FAM149B1: variants seen among roughly 807,000 people sequenced by gnomAD.
The protein encoded by FAM149B1 is primary cilium assembly protein FAM149B1.
A neutral mutation model predicts 75.3 loss-of-function variants in FAM149B1; 56 were observed. The observed-to-expected ratio is 0.74, with a 90% CI of 0.60 to 0.93. The LOEUF (loss-of-function observed/expected upper bound fraction) is 0.93, where lower values mean the gene tolerates loss of function less well. FAM149B1 is among the 40% of genes least tolerant of loss of function. The pLI is 0.00. For missense variants in FAM149B1, 639 were observed against 708.4 expected, an observed-to-expected ratio of 0.90 and a Z score of 1.11; for synonymous variants, 259 against 256.1, an observed-to-expected ratio of 1.01 and a Z score of -0.11.
At chr10:73,238,684 A>G (rs1282189812) in intron 12 of FAM149B1, 1 of 152,234 alleles carries the variant, frequency 6.6e-6, no homozygotes, top group Admixed American at 6.5e-5. Context: ...GCTTCACCAG[A>G]AAAAGCTTCC....
At position 73,242,074 on chromosome 10, in the gene FAM149B1, A is replaced by G. The variant is rs1042910373; in HGVS notation, c.*1055A>G. ...ATTCAAATAATCATAAATTACGGTA[A>G]CTTTTTATTATACCAAGGTGTTCTA... On this transcript the variant is annotated 3_prime_UTR_variant, in exon 14 of 14. Coordinates refer to ENST00000242505, the MANE Select transcript of FAM149B1 (RefSeq NM_173348.2). 7.9e-5 allele frequency: 12 copies of G among 152,210 alleles called. No homozygotes were observed. Among genetic ancestry groups the G allele is most frequent in the African/African-American group, 2.9e-4 (12 of 41,466 alleles). The allele number at this position is 152,210 out of a possible 1,614,324, so 9.4% of individuals were successfully genotyped here.
chr10:73,198,801 A>G (rs1374936750), intron 5 of FAM149B1, among the ~76,000 whole-genome samples: 4 of 152,178 alleles, frequency 2.6e-5, no homozygotes, highest in African/African-American at 7.2e-5. Context: ...GTGAAACTCC[A>G]TCTCAAAAAA....
intron 5 of FAM149B1, among the ~76,000 whole-genome samples, chr10:73,196,324 C>CTT (rs1035328920): frequency 2.1e-5 from 3 of 144,654 alleles, no homozygotes; most frequent in Middle Eastern, 3.6e-3. Flanking sequence ...GCCCCCCACC[C>CTT]TTTTTTTTTT....
chr10:73,191,407 G>T (rs1489714709), intron 3 of FAM149B1, among the ~76,000 whole-genome samples: 1 of 150,944 alleles, frequency 6.6e-6, no homozygotes, highest in Non-Finnish European at 1.5e-5. Flanking sequence ...CACAATCTCG[G>T]CTCACCGCAA....
chr10:73,207,333 A>G (rs10047344), intron 5 of FAM149B1, among the ~76,000 whole-genome samples: 23,425 of 151,958 alleles, frequency 0.15, 2,966 homozygotes, highest in African/African-American at 0.32. Context: ...GGAGGCCAAG[A>G]TGGGCAGATC....
rs376460504 is a variant in FAM149B1 at position 73,228,143 on chromosome 10, C to A, written c.982C>A (p.Arg328=). ...TGAACTACATCCTTTGGTGTTACCG[C>A]GAGTGCCACAGTCTAAGGTGCTGTA... ...LSELHPLVLP[R]VPQSKVLYIT... The change falls in exon 8 of 14, where the codon CGA becomes AGA. Residue 328 remains arginine, a synonymous_variant. Transcript: ENST00000242505. 6.4e-7 allele frequency: 1 copy of A among 1,551,456 alleles called. No individual in the cohort carries two copies. The highest frequency in any genetic ancestry group is 2.4e-5 in the East Asian group (1 of 40,908).
At chr10:73,181,116 C>T (rs943617967) in intron 3 of FAM149B1, among the ~76,000 whole-genome samples, 1 of 151,918 alleles carries the variant, frequency 6.6e-6, no homozygotes, top group African/African-American at 2.4e-5. Context: ...ACACCATTCT[C>T]CTGCCTCAGC....
At chr10:73,220,445 T>C (rs2043385112) in intron 7 of FAM149B1, among the ~76,000 whole-genome samples, 1 of 152,038 alleles carries the variant, frequency 6.6e-6, no homozygotes, top group African/African-American at 2.4e-5. Context: ...ACTGAAAACA[T>C]ATATCCATAC....
In FAM149B1 at chr10:73,244,176, G is replaced by T; in HGVS notation, c.*3157G>T. 1 of 483,374 alleles carries T rather than the reference G, an allele frequency of 2.1e-6. No individual in the cohort carries two copies. 29.9% of individuals were successfully genotyped at this position (483,374 alleles called of 1,614,324 possible). A position where few individuals can be genotyped will look rare whatever the true frequency, so the allele number is the denominator to read the frequency against. On this transcript the variant is annotated 3_prime_UTR_variant, in exon 14 of 14. Coordinates refer to ENST00000242505, the MANE Select transcript of FAM149B1 (RefSeq NM_173348.2). ...ATTTGCTAGAGGTAGTAAGTACTCT[G>T]GCACTCATAAATCACATGATGATAA... is the stretch of plus-strand genomic sequence containing the variant.
chr10:73,171,631 T>C (rs1170741198), intron 1 of FAM149B1, among the ~76,000 whole-genome samples: 2 of 100,854 alleles, frequency 2.0e-5, no homozygotes, highest in South Asian at 3.8e-4. Context: ...CTTTTCTTTC[T>C]TTTTTTTTTT....
At chr10:73,194,121 C>CT in intron 5 of FAM149B1, among the ~76,000 whole-genome samples, 1 of 152,246 alleles carries the variant, frequency 6.6e-6, no homozygotes, top group Admixed American at 6.5e-5. Context: ...CCAATTACCC[C>CT]TTAAAGGCTC....
At chr10:73,200,716 G>A in intron 5 of FAM149B1, 1 of 469,470 alleles carries the variant, frequency 2.1e-6, no homozygotes, top group Non-Finnish European at 4.2e-6. Flanking sequence ...TTCAAATTCT[G>A]GTGAAAAAGG....
In FAM149B1 at chr10:73,171,229, G is replaced by A. The variant is rs1185568244; in HGVS notation, c.47+2843G>A. Among the ~76,000 whole-genome samples, 11 of 152,232 alleles carry A rather than the reference G, an allele frequency of 7.2e-5. No homozygotes were observed. In the East Asian group the frequency reaches 1.2e-3, roughly 16 times the overall value. The stretch of plus-strand genomic sequence containing the variant: ...GCTGGGATTATAGATGTGAGCCACC[G>A]CGCCTGGCCTACTTGTTCTTGATTG... On this transcript the variant is annotated intron_variant, in intron 1 of 13. Transcript: ENST00000242505.
In FAM149B1 at chr10:73,228,205, T is replaced by G. The variant is rs200404642; in HGVS notation, c.1023+21T>G. ...ATCCGGTAAGCCCCAGAGGGATCAGTTGGAGACCCCAGGGCTACTCTCACC... is the reference window on the plus strand; with the variant it reads ...ATCCGGTAAGCCCCAGAGGGATCAGGTGGAGACCCCAGGGCTACTCTCACC... On this transcript the variant is annotated intron_variant, in intron 8 of 13. Transcript: ENST00000242505. 2.6e-6 allele frequency: 4 copies of G among 1,550,956 alleles called. No individual in the cohort carries two copies. The Admixed American group carries it at 7.8e-5, about 30-fold the overall frequency.
chr10:73,193,046 T>G (rs1417869557), intron 4 of FAM149B1, among the ~76,000 whole-genome samples: 1 of 152,208 alleles, frequency 6.6e-6, no homozygotes, highest in Non-Finnish European at 1.5e-5. Flanking sequence ...AAACCAGACA[T>G]AGGCTATTCA....
chr10:73,193,746 A>G (rs1487976333), intron 5 of FAM149B1, 153 bp downstream of exon 5: 1 of 373,584 alleles, frequency 2.7e-6, no homozygotes. Context: ...GTCTTTGTGT[A>G]TATTAAAATT....
rs548842312 is a variant in FAM149B1, at chr10:73,177,983, A to G, written c.282+8A>G. ...TTCTCCTGGGGATATGGTGTGAGTT[A>G]TATGTTATCAGTCTGATAGAGTGCT... is the stretch of plus-strand genomic sequence containing the variant. On this transcript the variant is annotated splice_region_variant and intron_variant, in intron 3 of 13. Coordinates refer to ENST00000242505, the MANE Select transcript of FAM149B1 (RefSeq NM_173348.2). The G allele has an allele frequency of 7.2e-5, 111 of 1,545,816 alleles. 2 individuals are homozygous for G. The South Asian group carries it at 1.2e-3, about 17-fold the overall frequency.
At position 73,208,773 on chromosome 10, in the gene FAM149B1, G is replaced by A. The variant is rs1468408162; in HGVS notation, c.697G>A (p.Asp233Asn). Residue 233 changes from aspartate (D) to asparagine (N), a missense_variant, in exon 6 of 14, where the codon GAT becomes AAT. Physicochemically the swap from Asp to Asn is conservative, Grantham distance 23 (BLOSUM62 1). Transcript: ENST00000242505. ...AATAATTGAGGAATACCTAGCATTCGATCACATAGATATGTGAGTATTATG... is the reference window on the plus strand; with the variant it reads ...AATAATTGAGGAATACCTAGCATTCAATCACATAGATATGTGAGTATTATG... The part of the protein sequence containing the change: ...EGIIEEYLAF[D>N]HIDIEEGFHG... 2.0e-5 allele frequency: 30 copies of A among 1,513,980 alleles called. No homozygotes were observed. Among genetic ancestry groups the A allele is most frequent in the Non-Finnish European group, 2.6e-5 (29 of 1,123,720 alleles). The allele number at this position is 1,513,980 out of a possible 1,614,324, so 93.8% of individuals were successfully genotyped here.
chr10:73,190,207 A>T (rs1394619053), intron 3 of FAM149B1, among the ~76,000 whole-genome samples: 1 of 152,146 alleles, frequency 6.6e-6, no homozygotes. Flanking sequence ...TTTAGAGAAT[A>T]AGAAAGAGGC....
Sources: allele counts gnomAD v4.1 joint callset (sites outside exome capture counted in the v4.1 genomes callset), GRCh38; gene constraint gnomAD v4.1.1; transcripts MANE v1.5; gene names NCBI Gene and HGNC (gene_info 2026-07-23, HGNC 2026-07-21).